Variants in NELL1 observed in about 807,000 individuals in gnomAD.
The protein encoded by NELL1 is neural EGFL like 1, also known as protein kinase C-binding protein NELL1.
NELL1 carries 76 observed loss-of-function variants against 107.4 expected under a neutral mutation model. The observed-to-expected ratio is 0.71, with a 90% CI of 0.59 to 0.86. The LOEUF (loss-of-function observed/expected upper bound fraction) is 0.86, where lower values mean the gene tolerates loss of function less well. Ranked by LOEUF, NELL1 falls within the 40% of genes least tolerant of loss-of-function variation. NELL1 has a pLI of 0.00. For missense variants in NELL1, 1,024 were observed against 1,005.5 expected (o/e 1.02, Z -0.25); for synonymous variants, 353 against 341.2 (o/e 1.03, Z -0.38).
At chr11:21,041,572 A>G (rs1436403630) in intron 12 of NELL1, among the ~76,000 whole-genome samples, 1 of 152,302 alleles carries the variant, frequency 6.6e-6, no homozygotes, top group East Asian at 1.9e-4. Context: ...CTGTAAGACC[A>G]TAGTTCCAGT....
rs184611939 is a variant in NELL1 at position 21,429,793 on chromosome 11, T to G, written c.1645+58845T>G. The stretch of plus-strand genomic sequence containing the variant: ...CATAAATTGACAACCTTAGTCTCTT[T>G]GAGATGTGGGTTCACAAGAGTTCAG... On this transcript the variant is annotated intron_variant, in intron 15 of 19. Coordinates refer to ENST00000357134, the MANE Select transcript of NELL1 (RefSeq NM_006157.5). 1.0e-3 allele frequency among the ~76,000 whole-genome samples: 155 copies of G among 152,222 alleles called. 2 individuals carry two copies. The highest frequency in any genetic ancestry group is 3.2e-3 in the African/African-American group (131 of 41,548).
intron 11 of NELL1, among the ~76,000 whole-genome samples, chr11:20,957,494 T>C (rs1175085918): frequency 6.6e-6 from 1 of 152,058 alleles, no homozygotes; most frequent in Non-Finnish European, 1.5e-5. Context: ...AAATACGAGC[T>C]TACAGATAAA....
At chr11:21,015,800 C>T (rs1286485272) in intron 12 of NELL1, among the ~76,000 whole-genome samples, 3 of 152,060 alleles carry the variant, frequency 2.0e-5, no homozygotes, top group Admixed American at 6.6e-5. Flanking sequence ...ATGCCATTGC[C>T]CCTCATAAGC....
intron 14 of NELL1, among the ~76,000 whole-genome samples, chr11:21,264,443 A>G (rs1233969921): frequency 6.6e-6 from 1 of 151,868 alleles, no homozygotes; most frequent in Non-Finnish European, 1.5e-5. Flanking sequence ...TGCCAGCAGG[A>G]GATGGGAAGG....
At chr11:21,388,150 C>A (rs1169817679) in intron 15 of NELL1, among the ~76,000 whole-genome samples, 2 of 150,852 alleles carry the variant, frequency 1.3e-5, no homozygotes, top group South Asian at 2.1e-4. Context: ...TTTTCTTGGG[C>A]CAAATCATTA....
At chr11:21,210,535 G>A (rs1471883781) in intron 13 of NELL1, among the ~76,000 whole-genome samples, 1 of 152,002 alleles carries the variant, frequency 6.6e-6, no homozygotes, top group East Asian at 1.9e-4. Flanking sequence ...CTTCTTTGGG[G>A]AAAAAGACTG....
At chr11:20,736,413 C>T (rs1590245792) in intron 2 of NELL1, among the ~76,000 whole-genome samples, 2 of 152,256 alleles carry the variant, frequency 1.3e-5, no homozygotes, top group East Asian at 3.9e-4. Context: ...GATGCCTACG[C>T]TGCCCTCACT....
intron 13 of NELL1, 71 bp downstream of exon 13, chr11:21,113,785 T>G: frequency 1.4e-6 from 2 of 1,479,364 alleles, no homozygotes; most frequent in Non-Finnish European, 1.8e-6. Flanking sequence ...TTATTATGTT[T>G]AATTCCTAGT....
chr11:21,337,799 T>TG (rs1850456275), intron 14 of NELL1, among the ~76,000 whole-genome samples: 7 of 93,288 alleles, frequency 7.5e-5, no homozygotes, highest in Non-Finnish European at 1.5e-4. Flanking sequence ...TTTCTTTCCT[T>TG]CTTTCTTTCT....
At chr11:21,172,798 T>C (rs1856634116) in intron 13 of NELL1, among the ~76,000 whole-genome samples, 1 of 151,810 alleles carries the variant, frequency 6.6e-6, no homozygotes, top group Non-Finnish European at 1.5e-5. Flanking sequence ...ATAATTCCTT[T>C]TTAAATGCAG....
chr11:21,047,163 G>A (rs1031362892), intron 12 of NELL1, among the ~76,000 whole-genome samples: 19 of 152,100 alleles, frequency 1.2e-4, no homozygotes, highest in African/African-American at 4.6e-4. Context: ...TTAAGTATGA[G>A]AAATGTTGCT....
intron 13 of NELL1, among the ~76,000 whole-genome samples, chr11:21,157,165 G>A (rs61880831): frequency 0.21 from 25,189 of 122,240 alleles, 2,463 homozygotes; most frequent in Non-Finnish European, 0.27. Context: ...ATATATATGT[G>A]TGTGTGTGTG....
intron 2 of NELL1, among the ~76,000 whole-genome samples, chr11:20,700,756 G>T (rs1854758461): frequency 6.6e-6 from 1 of 152,038 alleles, no homozygotes; most frequent in Non-Finnish European, 1.5e-5. Context: ...AGAACATGCG[G>T]TGTTTGGTTT....
chr11:20,978,793 C>G (rs1197154290), intron 12 of NELL1, among the ~76,000 whole-genome samples: 3 of 152,222 alleles, frequency 2.0e-5, no homozygotes, highest in Non-Finnish European at 4.4e-5. Context: ...TCCTCTCCCT[C>G]AGCTTCTTTT....
intron 15 of NELL1, among the ~76,000 whole-genome samples, chr11:21,486,954 A>C (rs1273081456): frequency 3.9e-5 from 6 of 152,126 alleles, no homozygotes; most frequent in African/African-American, 1.4e-4. Context: ...ATGAACAAAG[A>C]CTTTGTGGTG....
intron 5 of NELL1, among the ~76,000 whole-genome samples, chr11:20,912,231 G>A (rs1259352268): frequency 6.6e-6 from 1 of 152,186 alleles, no homozygotes; most frequent in African/African-American, 2.4e-5. Flanking sequence ...AATAGCAGAG[G>A]ATGGAATCAC....
At chr11:21,147,591 G>C (rs34936261) in intron 13 of NELL1, among the ~76,000 whole-genome samples, 11,629 of 151,998 alleles carry the variant, frequency 0.077, 584 homozygotes, top group Admixed American at 0.1. Flanking sequence ...CCAGCATTTT[G>C]GGAGGCCGAG....
At chr11:21,236,803 G>T (rs1010861117) in intron 14 of NELL1, among the ~76,000 whole-genome samples, 1 of 152,084 alleles carries the variant, frequency 6.6e-6, no homozygotes, top group African/African-American at 2.4e-5. Context: ...ATGCTGGACG[G>T]TCAAGACAAC....
chr11:21,132,114 A>G (rs1041642922), intron 13 of NELL1, among the ~76,000 whole-genome samples: 1 of 152,180 alleles, frequency 6.6e-6, no homozygotes, highest in Non-Finnish European at 1.5e-5. Context: ...CCAAGGCAGT[A>G]ACATAGAGGC....
Sources: gnomAD v4.1 joint callset for allele counts (sites outside exome capture counted in the v4.1 genomes callset) on GRCh38, gnomAD v4.1.1 for gene constraint, MANE v1.5 for transcripts, NCBI Gene and HGNC (gene_info 2026-07-23, HGNC 2026-07-21) for gene names.